Variants in IRF8 observed in about 807,000 individuals in gnomAD.
The protein encoded by IRF8 is interferon regulatory factor 8.
A neutral mutation model predicts 48.7 loss-of-function variants in IRF8; 14 were observed. That is an observed-to-expected ratio of 0.29 (90% CI 0.19 to 0.45). The LOEUF is 0.45. Among genes scored for constraint, IRF8 ranks in the 20% least tolerant of loss-of-function variants. The pLI, the probability that IRF8 is intolerant of heterozygous loss-of-function variation, is 1.00. For missense variants in IRF8, 493 were observed against 580.7 expected, an observed-to-expected ratio of 0.85 and a Z score of 1.55; for synonymous variants, 278 against 227.3, an observed-to-expected ratio of 1.22 and a Z score of -2.01.
At chr16:85,907,346 C>G (rs1451630278) in intron 2 of IRF8, among the ~76,000 whole-genome samples, 1 of 152,184 alleles carries the variant, frequency 6.6e-6, no homozygotes, top group African/African-American at 2.4e-5. Context: ...AGTGTGGTCT[C>G]CTGGGTAGCT....
intron 4 of IRF8, among the ~76,000 whole-genome samples, chr16:85,912,798 C>G (rs1905184880): frequency 6.6e-6 from 1 of 152,226 alleles, no homozygotes; most frequent in Non-Finnish European, 1.5e-5. Context: ...TCACTGGTGT[C>G]TCAGAGCTTG....
intron 7 of IRF8, 75 bp downstream of exon 7, chr16:85,918,878 A>AG: frequency 1.3e-6 from 2 of 1,575,280 alleles, no homozygotes; most frequent in Non-Finnish European, 1.7e-6. Flanking sequence ...TTTGCAGCTC[A>AG]GGGTGGCCCT....
intron 4 of IRF8, among the ~76,000 whole-genome samples, chr16:85,912,553 G>T (rs956042877): frequency 6.6e-6 from 1 of 152,236 alleles, no homozygotes; most frequent in African/African-American, 2.4e-5. Context: ...TGAATTCTTG[G>T]CTTCGTGGCC....
intron 2 of IRF8, among the ~76,000 whole-genome samples, chr16:85,905,587 C>T (rs371401078): frequency 7.1e-4 from 108 of 152,226 alleles, no homozygotes; most frequent in African/African-American, 2.4e-3. Context: ...CCACCAGTGC[C>T]GGTGGAGACA....
At chr16:85,899,677 G>C (rs893222633) in intron 1 of IRF8, among the ~76,000 whole-genome samples, 1 of 152,306 alleles carries the variant, frequency 6.6e-6, no homozygotes, top group East Asian at 1.9e-4. Flanking sequence ...GGGACAGACT[G>C]CTTCTAAAAT....
In IRF8 at chr16:85,918,543, G is replaced by C; in HGVS notation, c.728G>C (p.Gly243Ala). ...QPGLPGTKLY[G>A]PEGLELVRFP... ...GGGCTGCCCGGCACCAAGCTGTATG[G>C]GCCCGAGGGCCTGGAGCTGGTGCGC... Residue 243 changes from glycine (G) to alanine (A), a missense_variant, in exon 7 of 9, where the codon GGG becomes GCG. By Grantham distance (60) the Gly-to-Ala change is moderately conservative (BLOSUM62 0). Around this residue, in one of 3 missense-constraint regions of IRF8, gnomAD observed 408 missense variants for 449.6 expected, o/e 0.91. Transcript: ENST00000268638. 2 of 1,602,548 alleles carry C rather than the reference G, an allele frequency of 1.2e-6. No homozygotes were observed. Among genetic ancestry groups the C allele is most frequent in the Non-Finnish European group, 1.7e-6 (2 of 1,178,922 alleles).
intron 5 of IRF8, chr16:85,914,014 G>C (rs1221072958): frequency 1.9e-5 from 4 of 214,512 alleles, no homozygotes; most frequent in Non-Finnish European, 2.8e-5. Context: ...CGGAGGCCTT[G>C]AAGGTTGCCA....
At chr16:85,913,097 G>T in intron 4 of IRF8, 34 bp from the exon 5 acceptor site, 1 of 1,473,362 alleles carries the variant, frequency 6.8e-7, no homozygotes, top group South Asian at 1.1e-5. Context: ...ATCAGTGACT[G>T]AGCTGCCCTC....
chr16:85,915,921 G>T (rs748783244), intron 6 of IRF8, among the ~76,000 whole-genome samples: 1 of 152,120 alleles, frequency 6.6e-6, no homozygotes, highest in African/African-American at 2.4e-5. Context: ...CCTCTGTCCA[G>T]CCCCGCCCCC....
intron 6 of IRF8, among the ~76,000 whole-genome samples, chr16:85,917,129 G>A (rs956596735): frequency 1.9e-4 from 29 of 152,198 alleles, no homozygotes; most frequent in African/African-American, 7.0e-4. Flanking sequence ...AGCAGGGAAT[G>A]CAGATGGACT....
Position 85,921,371 on chromosome 16 carries a change from C to CA in IRF8, c.*89_*90insA. 1 of 1,404,352 alleles carries CA rather than the reference C, an allele frequency of 7.1e-7. No individual in the cohort carries two copies. The highest frequency in any genetic ancestry group is 1.0e-6 in the Non-Finnish European group (1 of 1,000,254). The allele number at this position is 1,404,352 out of a possible 1,614,324, so 87.0% of individuals were successfully genotyped here. A position where few individuals can be genotyped will look rare whatever the true frequency, so the allele number is the denominator to read the frequency against. The stretch of plus-strand genomic sequence containing the variant: ...GCATCATGATTAAAGAATGTGGATC[C>CA]CTCTGTCTGGGGTGGGATGCCTTAC... On this transcript the variant is annotated 3_prime_UTR_variant, in exon 9 of 9. Coordinates refer to ENST00000268638, the MANE Select transcript of IRF8 (RefSeq NM_002163.4).
Position 85,906,950 on chromosome 16 carries a change from A to G in IRF8, c.175-2040A>G, listed in dbSNP as rs955661738. Among the ~76,000 whole-genome samples, 6 of 152,210 alleles carry G rather than the reference A, an allele frequency of 3.9e-5. No homozygotes were observed. The South Asian group carries it at 6.2e-4, about 16-fold the overall frequency. ...TGCCACGGTGGGGAAACCCTGATTT[A>G]AAGTAATAAAAATTTGAAACTACAG... is the stretch of plus-strand genomic sequence containing the variant. On this transcript the variant is annotated intron_variant, in intron 2 of 8. Coordinates refer to ENST00000268638, the MANE Select transcript of IRF8 (RefSeq NM_002163.4).
intron 2 of IRF8, among the ~76,000 whole-genome samples, chr16:85,907,902 C>T (rs1302048727): frequency 6.6e-6 from 1 of 152,052 alleles, no homozygotes; most frequent in Non-Finnish European, 1.5e-5. Context: ...CATTTAATCC[C>T]AGACTGGGTG....
chr16:85,914,244 A>T, intron 5 of IRF8: 1 of 589,944 alleles, frequency 1.7e-6, no homozygotes, highest in East Asian at 3.0e-5. Context: ...ATCCCACAGC[A>T]TAGAGGAAGT....
At chr16:85,899,281 C>T (rs568760913) in intron 1 of IRF8, 58 bp downstream of exon 1, 1 of 152,314 alleles carries the variant, frequency 6.6e-6, no homozygotes, top group South Asian at 2.1e-4. Flanking sequence ...CCCGCGGGGT[C>T]CCCGACGCCA....
intron 3 of IRF8, 141 bp from the exon 4 acceptor site, chr16:85,911,429 C>T (rs542540373): frequency 1.4e-6 from 1 of 725,416 alleles, no homozygotes; most frequent in Admixed American, 2.1e-5. Flanking sequence ...GAAAAAAATT[C>T]TGTGCCTTTC....
At chr16:85,899,741 T>C (rs2152097441) in intron 1 of IRF8, among the ~76,000 whole-genome samples, 1 of 152,316 alleles carries the variant, frequency 6.6e-6, no homozygotes, top group Admixed American at 6.5e-5. Context: ...GGGCCTTTGC[T>C]TCCATCACAG....
At chr16:85,910,890 G>A (rs1905123089) in intron 3 of IRF8, among the ~76,000 whole-genome samples, 1 of 152,224 alleles carries the variant, frequency 6.6e-6, no homozygotes, top group African/African-American at 2.4e-5. Flanking sequence ...TTTTGTAAGT[G>A]TTGGTTGTGA....
intron 1 of IRF8, among the ~76,000 whole-genome samples, chr16:85,899,475 A>T (rs1017008332): frequency 6.6e-6 from 1 of 152,128 alleles, no homozygotes; most frequent in Non-Finnish European, 1.5e-5. Flanking sequence ...TAAAAATCTC[A>T]TTTTTCTTTA....
Sources: allele counts gnomAD v4.1 joint callset (sites outside exome capture counted in the v4.1 genomes callset), GRCh38; gene constraint gnomAD v4.1.1; regional missense constraint gnomAD v4.1.1; transcripts MANE v1.5; gene names NCBI Gene and HGNC (gene_info 2026-07-23, HGNC 2026-07-21).